SH3BGRL2: variants seen among roughly 807,000 people sequenced by gnomAD.
SH3BGRL2 encodes SH3 domain-binding glutamic acid-rich-like protein 2.
SH3BGRL2 carries 21 observed loss-of-function variants against 14.8 expected under a neutral mutation model. The ratio of observed to expected loss-of-function variants is 1.42; its 90% confidence interval spans 1.01 to 2.05. The LOEUF (loss-of-function observed/expected upper bound fraction) is 2.05. Ranked by LOEUF, SH3BGRL2 falls within the 30% of genes most tolerant of loss-of-function variation. The probability of loss-of-function intolerance (pLI) is 0.00; values close to 1 mark genes in which losing one functional copy is unlikely to be tolerated. For synonymous variants in SH3BGRL2, 50 were observed against 47.8 expected (o/e 1.05, Z -0.19); for missense variants, 147 against 130.8 (o/e 1.12, Z -0.61).
the SH3BGRL2 span, among the ~76,000 whole-genome samples, chr6:79,555,517 T>C: frequency 6.6e-6 from 1 of 152,052 alleles, no homozygotes; most frequent in Non-Finnish European, 1.5e-5. Context: ...TGACAAACTG[T>C]TTGTTTTGTT....
chr6:79,654,079 T>A (rs942253716), intron 1 of SH3BGRL2, among the ~76,000 whole-genome samples: 7 of 152,206 alleles, frequency 4.6e-5, no homozygotes, highest in Non-Finnish European at 8.8e-5. Flanking sequence ...TGTGAACACT[T>A]TTATAACTTG....
chr6:79,604,881 G>C, the SH3BGRL2 span, among the ~76,000 whole-genome samples: 1 of 152,208 alleles, frequency 6.6e-6, no homozygotes, highest in Non-Finnish European at 1.5e-5. Context: ...TTGATGATTA[G>C]TGCAGTTTAC....
At chr6:79,597,930 T>C in the SH3BGRL2 span, among the ~76,000 whole-genome samples, 1 of 152,158 alleles carries the variant, frequency 6.6e-6, no homozygotes, top group Non-Finnish European at 1.5e-5. Context: ...CAACCCAATT[T>C]AAAAGTGGGC....
intron 2 of SH3BGRL2, among the ~76,000 whole-genome samples, chr6:79,695,107 G>T (rs781641195): frequency 6.6e-6 from 1 of 152,138 alleles, no homozygotes; most frequent in Non-Finnish European, 1.5e-5. Flanking sequence ...GCTGCTCCCT[G>T]CCCAAGAATG....
the SH3BGRL2 span, among the ~76,000 whole-genome samples, chr6:79,612,280 A>G: frequency 0.77 from 117,499 of 152,056 alleles, 45,693 homozygotes; most frequent in East Asian, 0.98. Context: ...CAGGCCAGGC[A>G]ACAGCGTGAG....
the SH3BGRL2 span, among the ~76,000 whole-genome samples, chr6:79,542,941 A>T: frequency 1.3e-5 from 2 of 152,236 alleles, no homozygotes; most frequent in African/African-American, 4.8e-5. Context: ...AACAGCTAAC[A>T]GTTGGTGACC....
intron 2 of SH3BGRL2, among the ~76,000 whole-genome samples, chr6:79,695,131 C>T (rs948750374): frequency 1.3e-5 from 2 of 152,194 alleles, no homozygotes; most frequent in Non-Finnish European, 2.9e-5. Context: ...CCATCCCAGT[C>T]CTTCACTTGG....
chr6:79,563,156 T>C, the SH3BGRL2 span, among the ~76,000 whole-genome samples: 11 of 151,984 alleles, frequency 7.2e-5, no homozygotes, highest in African/African-American at 2.7e-4. Context: ...TTTTTTTTTT[T>C]TTAGTAGAGA....
chr6:79,576,358 G>A, the SH3BGRL2 span, among the ~76,000 whole-genome samples: 1 of 151,976 alleles, frequency 6.6e-6, no homozygotes, highest in Non-Finnish European at 1.5e-5. Context: ...TTTGTTAGTG[G>A]TAAAGGCTCT....
chr6:79,573,750 T>G, the SH3BGRL2 span: 3 of 152,374 alleles, frequency 2.0e-5, no homozygotes, highest in African/African-American at 7.2e-5. Flanking sequence ...TTAAAAATTA[T>G]ATTGTATAAC....
the SH3BGRL2 span, among the ~76,000 whole-genome samples, chr6:79,560,242 A>G: frequency 6.6e-6 from 1 of 152,238 alleles, no homozygotes; most frequent in African/African-American, 2.4e-5. Flanking sequence ...GAAAGGGGAC[A>G]AATACAAATC....
intron 3 of SH3BGRL2, among the ~76,000 whole-genome samples, chr6:79,697,765 C>T (rs553785259): frequency 6.6e-6 from 1 of 152,232 alleles, no homozygotes; most frequent in East Asian, 1.9e-4. Flanking sequence ...TAACGTATTT[C>T]ATCCAGAGAT....
the SH3BGRL2 span, among the ~76,000 whole-genome samples, chr6:79,549,284 T>G: frequency 6.6e-6 from 1 of 152,058 alleles, no homozygotes; most frequent in Non-Finnish European, 1.5e-5. Flanking sequence ...CAAAATTTCA[T>G]AGGTAAGAGG....
the SH3BGRL2 span, among the ~76,000 whole-genome samples, chr6:79,562,277 T>C: frequency 1.3e-5 from 2 of 152,146 alleles, no homozygotes; most frequent in Non-Finnish European, 1.5e-5. Context: ...ATTTGTGAAA[T>C]GGAGAAGATA....
At chr6:79,678,291 C>G (rs1374570909) in intron 2 of SH3BGRL2, among the ~76,000 whole-genome samples, 1 of 122,808 alleles carries the variant, frequency 8.1e-6, no homozygotes, top group East Asian at 6.2e-4. Flanking sequence ...TAAACAACTC[C>G]CCTTTGCCCC....
the SH3BGRL2 span, among the ~76,000 whole-genome samples, chr6:79,591,641 C>T: frequency 1.8e-4 from 28 of 152,138 alleles, no homozygotes; most frequent in Non-Finnish European, 3.4e-4. Context: ...CTCCTGACTT[C>T]GTGATCTGCC....
the SH3BGRL2 span, among the ~76,000 whole-genome samples, chr6:79,545,661 CT>C: frequency 6.6e-6 from 1 of 152,180 alleles, no homozygotes; most frequent in African/African-American, 2.4e-5. Context: ...CATGGAGGAC[CT>C]GCATAATACT....
chr6:79,590,263 C>T, the SH3BGRL2 span, among the ~76,000 whole-genome samples: 7 of 151,620 alleles, frequency 4.6e-5, no homozygotes, highest in Non-Finnish European at 8.8e-5. Flanking sequence ...AACTACCATT[C>T]AACTCAGCAA....
chr6:79,539,609 C>G, the SH3BGRL2 span, among the ~76,000 whole-genome samples: 2 of 152,168 alleles, frequency 1.3e-5, no homozygotes, highest in South Asian at 2.1e-4. Context: ...TGATTGGCTT[C>G]TTTATTGCCA....
Sources: allele counts gnomAD v4.1 joint callset (sites outside exome capture counted in the v4.1 genomes callset), GRCh38; gene constraint gnomAD v4.1.1; transcripts MANE v1.5; gene names NCBI Gene and HGNC (gene_info 2026-07-23, HGNC 2026-07-21).